Variants in CA10 observed in about 807,000 individuals in gnomAD.
CA10 encodes the protein carbonic anhydrase 10 (inactive).
In CA10, 14 loss-of-function variants were observed where a neutral mutation model predicts 44.2. That is an observed-to-expected ratio of 0.32 (90% CI 0.21 to 0.50). The LOEUF (loss-of-function observed/expected upper bound fraction) is 0.50. Among genes scored for constraint, CA10 ranks in the 20% least tolerant of loss-of-function variants. The pLI is 0.99. For missense variants in CA10, 350 were observed against 409.7 expected (o/e 0.85, Z 1.26); for synonymous variants, 159 against 141.6 (o/e 1.12, Z -0.87).
At chr17:52,123,324 T>C (rs1445338084) in intron 1 of CA10, among the ~76,000 whole-genome samples, 1 of 150,758 alleles carries the variant, frequency 6.6e-6, no homozygotes, top group Non-Finnish European at 1.5e-5. Context: ...GGATTACATA[T>C]ATATGTGTGT....
At chr17:51,814,645 C>A (rs1907497323) in intron 3 of CA10, among the ~76,000 whole-genome samples, 1 of 152,168 alleles carries the variant, frequency 6.6e-6, no homozygotes, top group South Asian at 2.1e-4. Flanking sequence ...GCTCCTGTTC[C>A]ATGGAACCCT....
chr17:52,079,009 G>A (rs992616838), intron 1 of CA10, among the ~76,000 whole-genome samples: 2 of 152,170 alleles, frequency 1.3e-5, no homozygotes, highest in Non-Finnish European at 2.9e-5. Context: ...TTATTTGGCC[G>A]GGTGTGGTGG....
At chr17:51,906,194 T>A (rs1272436769) in intron 3 of CA10, among the ~76,000 whole-genome samples, 1 of 152,116 alleles carries the variant, frequency 6.6e-6, no homozygotes, top group Non-Finnish European at 1.5e-5. Context: ...TGTGCTCCCT[T>A]TTATGTCAAA....
intron 3 of CA10, 113 bp from the exon 4 acceptor site, chr17:51,747,931 C>T (rs1904761601): frequency 2.6e-6 from 2 of 757,098 alleles, no homozygotes; most frequent in South Asian, 3.8e-5. Flanking sequence ...GGAAGATGGG[C>T]TAAATCCACA....
At chr17:51,856,149 G>T (rs1979031997) in intron 3 of CA10, among the ~76,000 whole-genome samples, 1 of 152,134 alleles carries the variant, frequency 6.6e-6, no homozygotes, top group South Asian at 2.1e-4. Flanking sequence ...CTGTCTCTTT[G>T]CTGCCAGTGC....
At chr17:51,647,860 GA>G (rs1001494646) in intron 6 of CA10, among the ~76,000 whole-genome samples, 22 of 152,174 alleles carry the variant, frequency 1.4e-4, no homozygotes, top group Non-Finnish European at 2.9e-5. Context: ...ATACTAATGA[GA>G]AAAGGCAGAA....
intron 3 of CA10, among the ~76,000 whole-genome samples, chr17:51,814,939 T>A (rs1907509109): frequency 6.6e-6 from 1 of 152,172 alleles, no homozygotes. Flanking sequence ...CTCTTAAACA[T>A]CCGGCCAAAG....
chr17:51,671,628 T>C (rs1914428684), intron 4 of CA10, among the ~76,000 whole-genome samples: 1 of 152,072 alleles, frequency 6.6e-6, no homozygotes, highest in African/African-American at 2.4e-5. Context: ...ATGGTGTCGA[T>C]CTCCTGACTT....
chr17:51,825,702 T>A (rs1907982683), intron 3 of CA10, among the ~76,000 whole-genome samples: 1 of 152,248 alleles, frequency 6.6e-6, no homozygotes, highest in Non-Finnish European at 1.5e-5. Flanking sequence ...AAACATAGTG[T>A]CTTGCCTATG....
At chr17:51,801,679 G>A (rs542664313) in intron 3 of CA10, among the ~76,000 whole-genome samples, 1 of 152,138 alleles carries the variant, frequency 6.6e-6, no homozygotes. Context: ...GTTCTCTTCC[G>A]CTGGCATTTT....
chr17:51,965,410 G>A (rs534335394), intron 2 of CA10, among the ~76,000 whole-genome samples: 1 of 151,452 alleles, frequency 6.6e-6, no homozygotes, highest in Non-Finnish European at 1.5e-5. Flanking sequence ...CTAAAACCTG[G>A]TAAAGACAAT....
At chr17:51,715,837 G>A (rs1263091797) in intron 4 of CA10, among the ~76,000 whole-genome samples, 1 of 151,986 alleles carries the variant, frequency 6.6e-6, no homozygotes, top group East Asian at 1.9e-4. Context: ...TTACAGGCAT[G>A]TGCCACCACG....
At chr17:52,038,662 T>C (rs1986684186) in intron 2 of CA10, among the ~76,000 whole-genome samples, 1 of 152,106 alleles carries the variant, frequency 6.6e-6, no homozygotes, top group African/African-American at 2.4e-5. Flanking sequence ...CTCATACAAT[T>C]GTGATGAGAA....
chr17:52,015,692 T>C (rs1378094314), intron 2 of CA10, among the ~76,000 whole-genome samples: 3 of 152,058 alleles, frequency 2.0e-5, no homozygotes, highest in Non-Finnish European at 4.4e-5. Context: ...GAAGGAAGCT[T>C]AAAGTCTCAA....
chr17:52,011,560 G>T (rs534902381), intron 2 of CA10, among the ~76,000 whole-genome samples: 1 of 151,850 alleles, frequency 6.6e-6, no homozygotes, highest in Non-Finnish European at 1.5e-5. Flanking sequence ...TAAAGCAAAT[G>T]AGAAAAAAAA....
At chr17:51,650,765 G>A (rs545221596) in intron 5 of CA10, among the ~76,000 whole-genome samples, 1 of 152,308 alleles carries the variant, frequency 6.6e-6, no homozygotes, top group Admixed American at 6.5e-5. Flanking sequence ...GGTGCCTTGA[G>A]CTCCTGGTAC....
intron 3 of CA10, among the ~76,000 whole-genome samples, chr17:51,771,122 C>CAA (rs71357854): frequency 0.063 from 2,378 of 37,688 alleles, 413 homozygotes; most frequent in Middle Eastern, 0.12. Context: ...GACTCCGTCT[C>CAA]AAAAAAAAAA....
chr17:51,839,231 G>A (rs1978299440), intron 3 of CA10, among the ~76,000 whole-genome samples: 1 of 152,168 alleles, frequency 6.6e-6, no homozygotes, highest in Admixed American at 6.5e-5. Flanking sequence ...GGTGGCTCAT[G>A]CCTGTAATCC....
intron 1 of CA10, among the ~76,000 whole-genome samples, chr17:52,108,849 C>T (rs1183679503): frequency 6.6e-6 from 1 of 151,730 alleles, no homozygotes; most frequent in African/African-American, 2.4e-5. Context: ...TCTCACAAAT[C>T]ACCACTAAAG....
Sources: gnomAD v4.1 joint callset for allele counts (sites outside exome capture counted in the v4.1 genomes callset) on GRCh38, gnomAD v4.1.1 for gene constraint, MANE v1.5 for transcripts, NCBI Gene and HGNC (gene_info 2026-07-23, HGNC 2026-07-21) for gene names.